PARD3B: variants seen among roughly 807,000 people sequenced by gnomAD.
PARD3B encodes par-3 family cell polarity regulator beta.
PARD3B carries 103 observed loss-of-function variants against 130.2 expected under a neutral mutation model. That is an observed-to-expected ratio of 0.79 (90% CI 0.67 to 0.93). The LOEUF is 0.93. Among genes scored for constraint, PARD3B ranks in the 40% least tolerant of loss-of-function variants. The pLI, the probability that PARD3B is intolerant of heterozygous loss-of-function variation, is 0.00. For missense variants in PARD3B, 1,609 were observed against 1,499.2 expected, an observed-to-expected ratio of 1.07 and a Z score of -1.21; for synonymous variants, 583 against 553.2, an observed-to-expected ratio of 1.05 and a Z score of -0.76.
At chr2:204,655,914 T>A (rs902642536) in intron 1 of PARD3B, among the ~76,000 whole-genome samples, 1 of 152,134 alleles carries the variant, frequency 6.6e-6, no homozygotes, top group African/African-American at 2.4e-5. Flanking sequence ...GTCTGGGCCC[T>A]TTCAGGTATT....
Position 205,253,485 on chromosome 2 carries a change from G to A in PARD3B, c.2185+7663G>A. ...GATGGATGCAAAGAGACCAAACTTG[G>A]CGGGCACTGGAAGTACCTGGGGAAG... On this transcript the variant is annotated intron_variant, in intron 16 of 22. Coordinates refer to ENST00000406610, the MANE Select transcript of PARD3B (RefSeq NM_001302769.2). This position sits in a 1 kb window ranked among gnomAD's most constrained non-coding sequence, Gnocchi z 4.4. 2 of 558,318 alleles carry A rather than the reference G, an allele frequency of 3.6e-6. No homozygotes were observed. Among genetic ancestry groups the A allele is most frequent in the Admixed American group, 3.8e-5 (2 of 52,346 alleles). The allele number at this position is 558,318 out of a possible 1,614,324, so 34.6% of individuals were successfully genotyped here.
chr2:204,898,425 T>A (rs545753787), intron 2 of PARD3B, among the ~76,000 whole-genome samples: 17 of 152,168 alleles, frequency 1.1e-4, no homozygotes, highest in Non-Finnish European at 2.4e-4. Flanking sequence ...TTGTACCTAT[T>A]AACCATCCAC....
At chr2:204,621,039 G>A (rs115075890) in intron 1 of PARD3B, among the ~76,000 whole-genome samples, 1 of 152,186 alleles carries the variant, frequency 6.6e-6, no homozygotes, top group Non-Finnish European at 1.5e-5. Context: ...TAAGAGGAAT[G>A]CCAAGCTTAT....
At chr2:204,745,269 T>C (rs890254438) in intron 2 of PARD3B, among the ~76,000 whole-genome samples, 4 of 152,160 alleles carry the variant, frequency 2.6e-5, no homozygotes, top group African/African-American at 7.2e-5. Context: ...TTTGCGGCTC[T>C]TCAATCGGCC....
rs1006797349 is a variant in PARD3B, at chr2:205,268,630, A to T, written c.2185+22808A>T. On this transcript the variant is annotated intron_variant, in intron 16 of 22. Transcript: ENST00000406610. The surrounding 1 kb of genome is among the most constrained non-coding windows in gnomAD (Gnocchi z 4.1). Reference sequence around the variant, plus strand: ...GGTAATTTGCAGATAAAAAGTAAAAATACAGGTCTGGAAGTGGTATATTTA... The same window carrying T: ...GGTAATTTGCAGATAAAAAGTAAAATTACAGGTCTGGAAGTGGTATATTTA... Among the ~76,000 whole-genome samples the T allele has an allele frequency of 3.3e-5, 5 of 152,212 alleles. No individual in the cohort carries two copies. Among genetic ancestry groups the T allele is most frequent in the Admixed American group, 3.3e-4 (5 of 15,278 alleles).
chr2:205,006,100 A>G (rs753592510), intron 3 of PARD3B, among the ~76,000 whole-genome samples: 3 of 152,200 alleles, frequency 2.0e-5, no homozygotes, highest in Non-Finnish European at 4.4e-5. Context: ...ACTTAGAATA[A>G]TGCCCTCCAG....
At chr2:205,228,148 C>T (rs891314931) in intron 15 of PARD3B, among the ~76,000 whole-genome samples, 27 of 152,142 alleles carry the variant, frequency 1.8e-4, no homozygotes, top group African/African-American at 6.3e-4. Flanking sequence ...GGCACAATTA[C>T]AATGTTTTAA....
intron 2 of PARD3B, among the ~76,000 whole-genome samples, chr2:204,826,897 A>G (rs2043600545): frequency 6.6e-6 from 1 of 152,084 alleles, no homozygotes. Context: ...GTATGTGCCT[A>G]TAGTCCTAGC....
intron 15 of PARD3B, among the ~76,000 whole-genome samples, chr2:205,227,847 T>G (rs1239595031): frequency 6.6e-6 from 1 of 152,144 alleles, no homozygotes; most frequent in Admixed American, 6.5e-5. Flanking sequence ...TTTTTGTATA[T>G]CCGTTGTATG....
At chr2:204,862,741 C>G (rs954191637) in intron 2 of PARD3B, among the ~76,000 whole-genome samples, 2 of 152,192 alleles carry the variant, frequency 1.3e-5, no homozygotes, top group Admixed American at 1.3e-4. Flanking sequence ...TGTTGCAGAA[C>G]TTTCCCCTCA....
At chr2:205,508,087 A>T (rs2050444134) in intron 21 of PARD3B, among the ~76,000 whole-genome samples, 1 of 152,238 alleles carries the variant, frequency 6.6e-6, no homozygotes, top group South Asian at 2.1e-4. Context: ...GGTTGTAGGG[A>T]TAGTGAAAGA....
intron 1 of PARD3B, among the ~76,000 whole-genome samples, chr2:204,547,281 A>T (rs1021847885): frequency 6.6e-6 from 1 of 152,218 alleles, no homozygotes; most frequent in Non-Finnish European, 1.5e-5. Context: ...ACAGAAAAAA[A>T]ATTCAGCTCT....
In PARD3B at chr2:204,905,228, G is replaced by A. The variant is rs187042495; in HGVS notation, c.223-59924G>A. On this transcript the variant is annotated intron_variant, in intron 2 of 22. Transcript: ENST00000406610. ...TGAAAGAAAAGGTAAATATCAGAAA[G>A]AGGCATCTTGGAGCAGTGCCCCGGG... Among the ~76,000 whole-genome samples, 484 of 152,276 alleles carry A rather than the reference G, an allele frequency of 3.2e-3. 2 individuals carry two copies. The highest frequency in any genetic ancestry group is 0.01 in the Middle Eastern group (3 of 294).
chr2:204,777,854 C>T (rs1200643093), intron 2 of PARD3B, among the ~76,000 whole-genome samples: 2 of 152,064 alleles, frequency 1.3e-5, no homozygotes, highest in Admixed American at 6.6e-5. Context: ...CCCCACATGT[C>T]GAGAGAGGGA....
At chr2:205,174,197 T>A (rs926760086) in intron 12 of PARD3B, among the ~76,000 whole-genome samples, 1 of 152,162 alleles carries the variant, frequency 6.6e-6, no homozygotes, top group African/African-American at 2.4e-5. Context: ...CTGGGTAGAT[T>A]GGCGTTATTC....
chr2:204,771,024 GT>G (rs1362068322), intron 2 of PARD3B, among the ~76,000 whole-genome samples: 1 of 152,044 alleles, frequency 6.6e-6, no homozygotes, highest in Non-Finnish European at 1.5e-5. Context: ...TAGGCTTATT[GT>G]TTAGCAAATC....
intron 2 of PARD3B, among the ~76,000 whole-genome samples, chr2:204,757,027 T>G (rs556989741): frequency 5.3e-5 from 8 of 152,288 alleles, no homozygotes; most frequent in South Asian, 2.1e-4. Flanking sequence ...GGTTTTCTGT[T>G]TCTGCATTAA....
chr2:205,411,933 G>C (rs2046613485), intron 19 of PARD3B, among the ~76,000 whole-genome samples: 1 of 152,092 alleles, frequency 6.6e-6, no homozygotes, highest in Non-Finnish European at 1.5e-5. Flanking sequence ...GCCTCTCCAA[G>C]TCCACAGGGC....
chr2:205,168,407 A>G (rs2034956126), intron 11 of PARD3B, among the ~76,000 whole-genome samples: 1 of 152,098 alleles, frequency 6.6e-6, no homozygotes, highest in Non-Finnish European at 1.5e-5. Flanking sequence ...ATTTGAATTC[A>G]TTTATGTAAA....
Sources: gnomAD v4.1 joint callset for allele counts (sites outside exome capture counted in the v4.1 genomes callset) on GRCh38, gnomAD v4.1.1 for gene constraint, Gnocchi (gnomAD v3.1) non-coding constraint, MANE v1.5 for transcripts, NCBI Gene and HGNC (gene_info 2026-07-23, HGNC 2026-07-21) for gene names.